The following MED12L variants were observed in gnomAD, a reference collection of about 807,000 sequenced individuals.
MED12L encodes the protein mediator of RNA polymerase II transcription subunit 12-like protein.
A neutral mutation model predicts 281.3 loss-of-function variants in MED12L; 60 were observed. The observed-to-expected ratio is 0.21, with a 90% CI of 0.17 to 0.26. The LOEUF is 0.26. Among genes scored for constraint, MED12L ranks in the 10% least tolerant of loss-of-function variants. MED12L has a pLI of 1.00. For missense variants in MED12L, 2,146 were observed against 2,680.9 expected (o/e 0.80, Z 4.41); for synonymous variants, 974 against 987.2 (o/e 0.99, Z 0.25).
intron 43 of MED12L, among the ~76,000 whole-genome samples, chr3:151,425,912 C>T (rs749583353): frequency 2.0e-5 from 3 of 152,058 alleles, no homozygotes; most frequent in Admixed American, 1.3e-4. Context: ...TAGAGTGGAA[C>T]GAAGTGGGGA....
chr3:151,383,361 C>T (rs1387765405), intron 33 of MED12L, among the ~76,000 whole-genome samples: 1 of 152,148 alleles, frequency 6.6e-6, no homozygotes, highest in Non-Finnish European at 1.5e-5. Flanking sequence ...TGGATGTTTC[C>T]ATATGGTATT....
At chr3:151,140,320 C>T (rs1020995607) in intron 5 of MED12L, among the ~76,000 whole-genome samples, 3 of 152,182 alleles carry the variant, frequency 2.0e-5, no homozygotes, top group African/African-American at 7.2e-5. Context: ...GCAGTATTAA[C>T]TCAATGCACA....
chr3:151,262,002 C>T (rs777186079), intron 16 of MED12L, among the ~76,000 whole-genome samples: 1 of 152,162 alleles, frequency 6.6e-6, no homozygotes, highest in African/African-American at 2.4e-5. Flanking sequence ...GCTAAGATTA[C>T]AGGTATGTGC....
chr3:151,367,506 G>A (rs984870661), intron 23 of MED12L, 140 bp from the exon 24 acceptor site: 6 of 655,534 alleles, frequency 9.2e-6, no homozygotes, highest in East Asian at 5.8e-5. Context: ...TAATCATCAT[G>A]ATATGTTATC....
chr3:151,314,249 T>G (rs1332357110), intron 16 of MED12L, among the ~76,000 whole-genome samples: 1 of 152,230 alleles, frequency 6.6e-6, no homozygotes, highest in Non-Finnish European at 1.5e-5. Flanking sequence ...TGGCCAATAA[T>G]AATATTAATG....
intron 39 of MED12L, among the ~76,000 whole-genome samples, chr3:151,407,833 A>T (rs1427306455): frequency 6.6e-6 from 1 of 151,970 alleles, no homozygotes; most frequent in Non-Finnish European, 1.5e-5. Context: ...AGTCACCTAG[A>T]GAGATGCTGA....
At chr3:151,329,429 A>G (rs1033105175) in intron 16 of MED12L, 7 of 1,150,318 alleles carry the variant, frequency 6.1e-6, no homozygotes, top group East Asian at 5.2e-5. Context: ...TCCCTTAAGC[A>G]TATTCTTTTA....
chr3:151,103,858 A>G lies in MED12L; in HGVS notation c.100-12480A>G, dbSNP rs140455477. 7.9e-5 allele frequency among the ~76,000 whole-genome samples: 12 copies of G among 152,220 alleles called. No individual in the cohort carries two copies. The East Asian group carries it at 2.3e-3, about 29-fold the overall frequency. ...GACCTATTTGGGGCTTGCTTCTCAT[A>G]TGGCCACCTAACCATCCATTTTACT... On this transcript the variant is annotated intron_variant, in intron 2 of 44. Coordinates refer to ENST00000687756, the MANE Select transcript of MED12L (RefSeq NM_001393769.1).
chr3:151,355,323 C>A (rs943777804), intron 18 of MED12L, 84 bp downstream of exon 18: 1 of 841,028 alleles, frequency 1.2e-6, no homozygotes, highest in East Asian at 2.5e-5. Flanking sequence ...TTTTCTCAAC[C>A]TTAATGGTTT....
At chr3:151,147,944 T>C (rs761949394) in intron 5 of MED12L, among the ~76,000 whole-genome samples, 2 of 152,230 alleles carry the variant, frequency 1.3e-5, no homozygotes, top group Non-Finnish European at 2.9e-5. Context: ...GGAACTATCC[T>C]ACTGTTTTCC....
intron 16 of MED12L, among the ~76,000 whole-genome samples, chr3:151,311,324 T>C (rs1393869485): frequency 6.6e-6 from 1 of 150,994 alleles, no homozygotes; most frequent in East Asian, 1.9e-4. Flanking sequence ...ATATAAACTG[T>C]GTGTGTGTGT....
At chr3:151,307,983 G>A (rs989212125) in intron 16 of MED12L, among the ~76,000 whole-genome samples, 1 of 152,160 alleles carries the variant, frequency 6.6e-6, no homozygotes, top group African/African-American at 2.4e-5. Flanking sequence ...CACAGAGCTT[G>A]AGCCTCCTCA....
chr3:151,283,091 G>C (rs1423957154), intron 16 of MED12L, among the ~76,000 whole-genome samples: 1 of 152,200 alleles, frequency 6.6e-6, no homozygotes, highest in Non-Finnish European at 1.5e-5. Context: ...TTACAATGGA[G>C]AAACAAATGC....
intron 16 of MED12L, among the ~76,000 whole-genome samples, chr3:151,250,865 C>T (rs1736718774): frequency 6.6e-6 from 1 of 152,190 alleles, no homozygotes; most frequent in South Asian, 2.1e-4. Flanking sequence ...GCTGAATGAA[C>T]CATCTTACGT....
intron 36 of MED12L, among the ~76,000 whole-genome samples, chr3:151,386,518 T>C (rs2108189739): frequency 6.6e-6 from 1 of 151,876 alleles, no homozygotes; most frequent in African/African-American, 2.4e-5. Context: ...GCCTCCTGAG[T>C]ACCTGGGATT....
chr3:151,201,223 ACTCTCT>A lies in MED12L; in HGVS notation c.2250+7575_2250+7580del, dbSNP rs58729370. ...TCTATGCATACAACCACGTGCACAC[ACTCTCT>A]CTCTCTCTCTCTCTCTCACACGCAC... is the stretch of plus-strand genomic sequence containing the variant. On this transcript the variant is annotated intron_variant, in intron 16 of 44. Coordinates refer to ENST00000687756, the MANE Select transcript of MED12L (RefSeq NM_001393769.1). Among the ~76,000 whole-genome samples the A allele has an allele frequency of 1.7e-3, 255 of 147,980 alleles. 1 individual carries two copies. The highest frequency in any genetic ancestry group is 6.1e-3 in the African/African-American group (247 of 40,656).
At chr3:151,337,809 T>C in intron 16 of MED12L, 1 of 1,612,990 alleles carries the variant, frequency 6.2e-7, no homozygotes, top group Non-Finnish European at 8.5e-7. Flanking sequence ...TTTCCTTAGT[T>C]AATTTGTTTA....
At chr3:151,092,152 T>G (rs1224705487) in intron 2 of MED12L, among the ~76,000 whole-genome samples, 5 of 152,204 alleles carry the variant, frequency 3.3e-5, no homozygotes, top group Admixed American at 3.3e-4. Flanking sequence ...GCCTAGCTTC[T>G]TTGTGTATAG....
At chr3:151,234,800 G>A (rs1490198604) in intron 16 of MED12L, among the ~76,000 whole-genome samples, 3 of 152,118 alleles carry the variant, frequency 2.0e-5, no homozygotes, top group African/African-American at 7.2e-5. Context: ...ATATAATGTG[G>A]ACTATCATTA....
Sources: allele counts gnomAD v4.1 joint callset (sites outside exome capture counted in the v4.1 genomes callset), GRCh38; gene constraint gnomAD v4.1.1; transcripts MANE v1.5; gene names NCBI Gene and HGNC (gene_info 2026-07-23, HGNC 2026-07-21).